Variants in TRPC5OS observed in about 807,000 individuals in gnomAD.
TRPC5OS encodes putative uncharacterized protein TRPC5OS.
For synonymous variants in TRPC5OS, 30 were observed against 29.3 expected (o/e 1.02, Z -0.08); for missense variants, 64 against 79.3 (o/e 0.81, Z 0.73).
chrX:111,884,797 G>A (rs1023852827), intron 1 of TRPC5OS, among the ~76,000 whole-genome samples: 8 of 112,979 alleles, frequency 7.1e-5, no homozygotes, highest in African/African-American at 2.6e-4. Context: ...CCTAGACAAA[G>A]CATGGTTAAG....
rs1925393784 is a variant in TRPC5OS, at chrX:111,902,274, T to G, written c.*89T>G. On this transcript the variant is annotated 3_prime_UTR_variant, in exon 4 of 4. Coordinates refer to ENST00000635763, the MANE Select transcript of TRPC5OS (RefSeq NM_001195578.2). ...TCTTATTTTCTGTATATTAGCAATATGTGTTTTCTCATAGTTCTGCACATT... is the reference window on the plus strand; with the variant it reads ...TCTTATTTTCTGTATATTAGCAATAGGTGTTTTCTCATAGTTCTGCACATT... The G allele has an allele frequency of 8.2e-6, 5 of 607,383 alleles. No homozygotes were observed. Among genetic ancestry groups the G allele is most frequent in the Admixed American group, 9.0e-5 (2 of 22,296 alleles). The allele number at this position is 607,383 out of a possible 1,213,427, so 50.1% of individuals were successfully genotyped here.
At chrX:111,901,219 G>T (rs768564826) in intron 3 of TRPC5OS, among the ~76,000 whole-genome samples, 4 of 111,499 alleles carry the variant, frequency 3.6e-5, no homozygotes, top group Non-Finnish European at 5.7e-5. Flanking sequence ...GATATAAATG[G>T]CAATGAGGCA....
intron 1 of TRPC5OS, among the ~76,000 whole-genome samples, chrX:111,891,398 T>C (rs1924796801): frequency 8.9e-6 from 1 of 111,939 alleles, no homozygotes; most frequent in Non-Finnish European, 1.9e-5. Context: ...GACTTTTTAA[T>C]AGGAGCCAAG....
At chrX:111,878,788 C>A (rs971960421) in intron 1 of TRPC5OS, among the ~76,000 whole-genome samples, 1 of 111,753 alleles carries the variant, frequency 8.9e-6, no homozygotes, top group Non-Finnish European at 1.9e-5. Flanking sequence ...CTTTGTCCTT[C>A]AGCAGGGGCA....
At position 111,902,201 on chromosome X, in the gene TRPC5OS, C is replaced by T; in HGVS notation, c.*16C>T. The T allele has an allele frequency of 2.9e-6, 3 of 1,042,712 alleles. No individual in the cohort carries two copies. Among genetic ancestry groups the T allele is most frequent in the Non-Finnish European group, 3.8e-6 (3 of 794,883 alleles). 85.9% of individuals were successfully genotyped at this position (1,042,712 alleles called of 1,213,427 possible). ...AGGTGACTAAGACCCAATTTCTGCCCCCGTCCCCAGGGATGTGAAAACTGA... is the reference window on the plus strand; with the variant it reads ...AGGTGACTAAGACCCAATTTCTGCCTCCGTCCCCAGGGATGTGAAAACTGA... On this transcript the variant is annotated 3_prime_UTR_variant, in exon 4 of 4. Transcript: ENST00000635763.
rs370928708 is a variant in TRPC5OS, at chrX:111,902,369, C to G, written c.*184C>G. On this transcript the variant is annotated 3_prime_UTR_variant, in exon 4 of 4. Transcript: ENST00000635763. ...CTAGCAAAAGCTGGTCTTTTTTCAT[C>G]TTTGTTGTTATTCAGAAAGTTCTGT... The G allele has an allele frequency of 1.7e-4, 56 of 329,524 alleles. No individual in the cohort carries two copies. Among genetic ancestry groups the G allele is most frequent in the African/African-American group, 1.3e-3 (48 of 37,139 alleles). 27.2% of individuals were successfully genotyped at this position (329,524 alleles called of 1,213,427 possible).
At chrX:111,882,804 G>A (rs765012539) in intron 1 of TRPC5OS, among the ~76,000 whole-genome samples, 19 of 112,047 alleles carry the variant, frequency 1.7e-4, no homozygotes, top group Non-Finnish European at 3.4e-4. Context: ...AGTCAGAGCC[G>A]GCTGGGCGCT....
chrX:111,876,763 A>G (rs972048531), intron 1 of TRPC5OS, among the ~76,000 whole-genome samples: 1 of 112,064 alleles, frequency 8.9e-6, no homozygotes, highest in African/African-American at 3.2e-5. Context: ...ACTTCTCTGA[A>G]GAAATGAAAA....
intron 3 of TRPC5OS, among the ~76,000 whole-genome samples, chrX:111,898,184 T>C (rs1262371143): frequency 1.9e-5 from 2 of 106,799 alleles, no homozygotes; most frequent in Non-Finnish European, 3.9e-5. Flanking sequence ...TTGAATTGTC[T>C]GTTCAGATCT....
At chrX:111,893,184 T>C (rs1048887437) in intron 1 of TRPC5OS, among the ~76,000 whole-genome samples, 1 of 110,625 alleles carries the variant, frequency 9.0e-6, no homozygotes, top group Non-Finnish European at 1.9e-5. Context: ...CAACTTTTTT[T>C]CCCTCTCAGA....
intron 1 of TRPC5OS, among the ~76,000 whole-genome samples, chrX:111,882,223 A>T (rs766333897): frequency 9.1e-6 from 1 of 109,688 alleles, no homozygotes; most frequent in Non-Finnish European, 1.9e-5. Context: ...GTGGAGTGTT[A>T]TATAAAAGAG....
intron 1 of TRPC5OS, among the ~76,000 whole-genome samples, chrX:111,892,511 C>T (rs905780962): frequency 3.6e-5 from 4 of 112,027 alleles, no homozygotes; most frequent in East Asian, 5.6e-4. Flanking sequence ...AGTTAGCTTT[C>T]GCCAGGCCAG....
At chrX:111,879,284 C>T (rs778560397) in intron 1 of TRPC5OS, among the ~76,000 whole-genome samples, 3 of 111,918 alleles carry the variant, frequency 2.7e-5, no homozygotes, top group African/African-American at 9.8e-5. Flanking sequence ...ACTCAGGAGA[C>T]GTTGACTCTC....
intron 1 of TRPC5OS, among the ~76,000 whole-genome samples, chrX:111,892,186 G>A (rs1478382422): frequency 8.9e-6 from 1 of 112,319 alleles, no homozygotes; most frequent in Non-Finnish European, 1.9e-5. Flanking sequence ...TATTCCTGAA[G>A]TTAGGGACTA....
intron 1 of TRPC5OS, among the ~76,000 whole-genome samples, chrX:111,888,693 C>CAAAAAAAAAAAAAA (rs753735549): frequency 1.6e-3 from 17 of 10,913 alleles, no homozygotes; most frequent in Non-Finnish European, 3.2e-3. Context: ...GACTCTATCT[C>CAAAAAAAAAAAAAA]AAAAAAAAAA....
Position 111,895,941 on chromosome X carries a change from C to T in TRPC5OS, c.-545-10C>T, listed in dbSNP as rs751090929. The T allele has an allele frequency of 9.0e-5, 10 of 111,408 alleles. No individual in the cohort carries two copies. In the South Asian group the frequency reaches 3.8e-3, roughly 42 times the overall value. The allele number at this position is 111,408 out of a possible 1,213,427, so 9.2% of individuals were successfully genotyped here. A position where few individuals can be genotyped will look rare whatever the true frequency, so the allele number is the denominator to read the frequency against. On this transcript the variant is annotated splice_polypyrimidine_tract_variant and intron_variant, in intron 1 of 3. Transcript: ENST00000635763. ...AGTTTTCCCTTTGTCCCTCTAACTT[C>T]AAAATCTAGGTAACCTTTTAAGGTG...
chrX:111,896,343 C>T (rs575657942), intron 2 of TRPC5OS, 64 bp from the exon 3 acceptor site: 2 of 101,029 alleles, frequency 2.0e-5, no homozygotes, highest in South Asian at 4.0e-4. Context: ...TTAAACCTAT[C>T]GATTTCGCAA....
At chrX:111,890,163 A>G (rs993749045) in intron 1 of TRPC5OS, among the ~76,000 whole-genome samples, 3 of 112,300 alleles carry the variant, frequency 2.7e-5, no homozygotes, top group South Asian at 3.7e-4. Context: ...CCCTAAACCA[A>G]TATTGTAAAA....
intron 1 of TRPC5OS, among the ~76,000 whole-genome samples, chrX:111,877,362 T>A (rs1233234891): frequency 9.0e-6 from 1 of 111,454 alleles, no homozygotes; most frequent in Non-Finnish European, 1.9e-5. Flanking sequence ...TGAGGAAGAA[T>A]GGGTTTGGAA....
Sources: gnomAD v4.1 joint callset for allele counts (sites outside exome capture counted in the v4.1 genomes callset) on GRCh38, gnomAD v4.1.1 for gene constraint, MANE v1.5 for transcripts, NCBI Gene and HGNC (gene_info 2026-07-23, HGNC 2026-07-21) for gene names.